NBAS: variants seen among roughly 807,000 people sequenced by gnomAD.
NBAS encodes NAG/BC035112 fusion.
In NBAS, 219 loss-of-function variants were observed where a neutral mutation model predicts 302.5. That is an observed-to-expected ratio of 0.72 (90% CI 0.65 to 0.81). NBAS has a LOEUF of 0.81. Ranked by LOEUF, NBAS falls within the 30% of genes least tolerant of loss-of-function variation. The pLI, the probability that NBAS is intolerant of heterozygous loss-of-function variation, is 0.00. For synonymous variants in NBAS, 1,118 were observed against 1,021.6 expected, an observed-to-expected ratio of 1.09 and a Z score of -1.80; for missense variants, 2,932 against 2,841.6, an observed-to-expected ratio of 1.03 and a Z score of -0.72.
intron 48 of NBAS, among the ~76,000 whole-genome samples, chr2:15,199,896 A>ATTTTT (rs35760010): frequency 8.2e-6 from 1 of 121,448 alleles, no homozygotes; most frequent in African/African-American, 3.2e-5. Flanking sequence ...AGAAAGCTGG[A>ATTTTT]TTTTTTTTTT....
intron 44 of NBAS, among the ~76,000 whole-genome samples, chr2:15,259,689 C>T (rs2148011593): frequency 6.6e-6 from 1 of 152,342 alleles, no homozygotes; most frequent in South Asian, 2.1e-4. Flanking sequence ...CCAACTTGCA[C>T]AACTACCTGC....
At chr2:15,307,009 A>G (rs1274885324) in intron 40 of NBAS, among the ~76,000 whole-genome samples, 3 of 152,202 alleles carry the variant, frequency 2.0e-5, no homozygotes, top group Non-Finnish European at 2.9e-5. Context: ...AGAAGGGACC[A>G]GGCAGAAATC....
chr2:14,827,379 T>C, the NBAS span, among the ~76,000 whole-genome samples: 3 of 152,242 alleles, frequency 2.0e-5, no homozygotes, highest in Non-Finnish European at 4.4e-5. Flanking sequence ...GCATGAGGAA[T>C]GTAACTGCAT....
At chr2:15,125,671 A>G in the NBAS span, among the ~76,000 whole-genome samples, 1 of 152,356 alleles carries the variant, frequency 6.6e-6, no homozygotes, top group South Asian at 2.1e-4. Context: ...CTACCCTGTT[A>G]CGTTTCAGAC....
At chr2:15,338,059 T>C (rs1198131817) in intron 35 of NBAS, among the ~76,000 whole-genome samples, 1 of 152,284 alleles carries the variant, frequency 6.6e-6, no homozygotes, top group African/African-American at 2.4e-5. Flanking sequence ...CTAATAATAT[T>C]TTTCAAATCC....
rs755706575 is a variant in NBAS at position 15,308,289 on chromosome 2, G to C, written c.4724C>G (p.Ala1575Gly). Residue 1575 changes from alanine to glycine, a missense_variant, in exon 40 of 52, where the codon GCG becomes GGG. Physicochemically the swap from Ala to Gly is moderately conservative, Grantham distance 60. Transcript: ENST00000281513. Reference protein sequence around the residue: ...SPSALSLQLAAYYYSLQIYAR... With the variant: ...SPSALSLQLAGYYYSLQIYAR... ...ATAGATCTGGAGGCTATAGTAATAC[G>C]CTGCCAGCTGGAGAGATAATGCAGA... 6.2e-7 allele frequency: 1 copy of C among 1,614,154 alleles called. No homozygotes were observed. Among genetic ancestry groups the C allele is most frequent in the South Asian group, 1.1e-5 (1 of 91,078 alleles).
chr2:15,291,740 T>C (rs773549987), intron 41 of NBAS, among the ~76,000 whole-genome samples: 46 of 152,158 alleles, frequency 3.0e-4, no homozygotes, highest in Non-Finnish European at 1.9e-4. Context: ...CAATTGTATC[T>C]AGTTTACCAT....
At position 15,214,214 on chromosome 2, in the gene NBAS, T is replaced by G. The variant is rs1483607174; in HGVS notation, c.6432+4559A>C. On this transcript the variant is annotated intron_variant, in intron 48 of 51. Transcript: ENST00000281513. ...TTTTAAAGATTTGATATTCATTTAT[T>G]CAACAAATATTTATTGTTTGTGAGA... is the stretch of plus-strand genomic sequence containing the variant. Among the ~76,000 whole-genome samples the G allele has an allele frequency of 3.9e-5, 6 of 152,366 alleles. No homozygotes were observed. The South Asian group carries it at 1.2e-3, about 32-fold the overall frequency.
the NBAS span, among the ~76,000 whole-genome samples, chr2:14,785,789 G>A: frequency 6.6e-6 from 1 of 151,862 alleles, no homozygotes; most frequent in Non-Finnish European, 1.5e-5. Context: ...CTCTTTTTTT[G>A]GTTGTGTCTC....
At chr2:15,396,103 T>G (rs1409843875) in intron 27 of NBAS, among the ~76,000 whole-genome samples, 1 of 152,184 alleles carries the variant, frequency 6.6e-6, no homozygotes, top group Non-Finnish European at 1.5e-5. Flanking sequence ...ATGCTTAATC[T>G]AATATTGATT....
At chr2:15,213,836 A>G (rs1666532522) in intron 48 of NBAS, among the ~76,000 whole-genome samples, 1 of 152,222 alleles carries the variant, frequency 6.6e-6, no homozygotes. Context: ...AAATATTTGC[A>G]GGACCAATTA....
At chr2:14,796,166 G>A in the NBAS span, among the ~76,000 whole-genome samples, 1 of 152,170 alleles carries the variant, frequency 6.6e-6, no homozygotes, top group Non-Finnish European at 1.5e-5. Context: ...CATATATGTG[G>A]TGGGTCTAGT....
chr2:14,944,845 TCA>T, the NBAS span, among the ~76,000 whole-genome samples: 3 of 152,040 alleles, frequency 2.0e-5, no homozygotes, highest in South Asian at 4.2e-4. Flanking sequence ...TTTACCCAAT[TCA>T]CAGTTTCTAT....
the NBAS span, among the ~76,000 whole-genome samples, chr2:14,985,374 T>C: frequency 6.6e-6 from 1 of 152,166 alleles, no homozygotes; most frequent in South Asian, 2.1e-4. Context: ...ATACTTGGGC[T>C]AGCCTGAAAA....
At chr2:15,413,455 G>A (rs1676778477) in intron 25 of NBAS, among the ~76,000 whole-genome samples, 1 of 152,170 alleles carries the variant, frequency 6.6e-6, no homozygotes, top group South Asian at 2.1e-4. Flanking sequence ...CAAAGACAGA[G>A]AAGTCACAGA....
chr2:15,527,186 T>C (rs1418716394), intron 9 of NBAS, among the ~76,000 whole-genome samples: 2 of 150,312 alleles, frequency 1.3e-5, no homozygotes, highest in Non-Finnish European at 3.0e-5. Flanking sequence ...GAAAGAAACA[T>C]AAATTTTCTT....
chr2:15,297,753 T>C (rs1670616050), intron 40 of NBAS, among the ~76,000 whole-genome samples: 1 of 152,214 alleles, frequency 6.6e-6, no homozygotes, highest in Non-Finnish European at 1.5e-5. Flanking sequence ...AGAGTCCTTT[T>C]ACAAATGACA....
At chr2:15,529,671 A>C (rs1401288852) in intron 9 of NBAS, among the ~76,000 whole-genome samples, 1 of 152,212 alleles carries the variant, frequency 6.6e-6, no homozygotes, top group African/African-American at 2.4e-5. Context: ...CTGTATATGC[A>C]GTATCAAGGC....
the NBAS span, among the ~76,000 whole-genome samples, chr2:15,076,083 TA>T: frequency 6.6e-6 from 1 of 152,202 alleles, no homozygotes; most frequent in East Asian, 1.9e-4. Context: ...TAAGCACCTC[TA>T]TTTGAACAAC....
Sources: gnomAD v4.1 joint callset for allele counts (sites outside exome capture counted in the v4.1 genomes callset) on GRCh38, gnomAD v4.1.1 for gene constraint, MANE v1.5 for transcripts, NCBI Gene and HGNC (gene_info 2026-07-23, HGNC 2026-07-21) for gene names.